Variants in ZMAT4 observed in about 807,000 individuals in gnomAD.
ZMAT4 encodes the protein zinc finger matrin-type protein 4.
A neutral mutation model predicts 28.7 loss-of-function variants in ZMAT4; 17 were observed. The observed-to-expected ratio is 0.59, with a 90% CI of 0.41 to 0.89. The LOEUF is 0.89. Among genes scored for constraint, ZMAT4 ranks in the 40% least tolerant of loss-of-function variants. ZMAT4 has a pLI of 0.00. For synonymous variants in ZMAT4, 117 were observed against 109.2 expected, an observed-to-expected ratio of 1.07 and a Z score of -0.44; for missense variants, 240 against 283.8, an observed-to-expected ratio of 0.85 and a Z score of 1.11.
chr8:40,701,314 G>C (rs1346061599), intron 3 of ZMAT4, among the ~76,000 whole-genome samples: 1 of 152,038 alleles, frequency 6.6e-6, no homozygotes, highest in Non-Finnish European at 1.5e-5. Flanking sequence ...TTGTAAAAGA[G>C]GGACCAGGCA....
intron 1 of ZMAT4, among the ~76,000 whole-genome samples, chr8:40,833,575 G>C (rs957909343): frequency 2.9e-5 from 4 of 139,304 alleles, no homozygotes; most frequent in Admixed American, 2.2e-4. Context: ...AAATCATCAT[G>C]GTCTTCCATA....
intron 5 of ZMAT4, among the ~76,000 whole-genome samples, chr8:40,647,403 C>A (rs562089604): frequency 1.3e-5 from 2 of 152,208 alleles, no homozygotes; most frequent in African/African-American, 4.8e-5. Flanking sequence ...GATTATATCC[C>A]GCACCTGGCT....
chr8:40,607,302 T>C (rs1805630622), intron 5 of ZMAT4, among the ~76,000 whole-genome samples: 1 of 151,854 alleles, frequency 6.6e-6, no homozygotes, highest in South Asian at 2.1e-4. Context: ...TTTTTTGTAT[T>C]TTTAAATACA....
intron 5 of ZMAT4, among the ~76,000 whole-genome samples, chr8:40,639,964 C>T (rs1265444768): frequency 6.6e-6 from 1 of 151,992 alleles, no homozygotes; most frequent in African/African-American, 2.4e-5. Context: ...CTTTTTTAAA[C>T]TTTTATGTAT....
intron 1 of ZMAT4, among the ~76,000 whole-genome samples, chr8:40,890,166 G>A (rs1818618993): frequency 6.6e-6 from 1 of 152,038 alleles, no homozygotes; most frequent in African/African-American, 2.4e-5. Context: ...TCTCTATCAG[G>A]GAAAGGCTGA....
At position 40,632,027 on chromosome 8, in the gene ZMAT4, T is replaced by C. The variant is rs573922858; in HGVS notation, c.577+42677A>G. ...TTTCTGCTCAAATCCAGGTTTTTTTTCCAAGTGAAACAACCACAGGGAGCC... is the reference window on the plus strand; with the variant it reads ...TTTCTGCTCAAATCCAGGTTTTTTTCCCAAGTGAAACAACCACAGGGAGCC... On this transcript the variant is annotated intron_variant, in intron 5 of 6. Transcript: ENST00000297737. Among the ~76,000 whole-genome samples the C allele has an allele frequency of 1.6e-4, 25 of 152,326 alleles. No individual in the cohort carries two copies. The East Asian group carries it at 3.1e-3, about 19-fold the overall frequency.
At chr8:40,850,244 C>A (rs772160914) in intron 1 of ZMAT4, among the ~76,000 whole-genome samples, 1 of 152,138 alleles carries the variant, frequency 6.6e-6, no homozygotes, top group Non-Finnish European at 1.5e-5. Flanking sequence ...AAAATAAACT[C>A]CAAGGCCCTC....
intron 3 of ZMAT4, among the ~76,000 whole-genome samples, chr8:40,715,353 A>T (rs1810806456): frequency 6.6e-6 from 1 of 152,170 alleles, no homozygotes; most frequent in African/African-American, 2.4e-5. Context: ...ACCCAGAGTG[A>T]GAGGCAAAGC....
intron 3 of ZMAT4, among the ~76,000 whole-genome samples, chr8:40,758,530 T>C (rs1254770970): frequency 6.6e-6 from 1 of 152,236 alleles, no homozygotes; most frequent in Non-Finnish European, 1.5e-5. Flanking sequence ...CCTTAACCAT[T>C]CCTTCCCTGA....
chr8:40,646,618 A>C (rs575104124), intron 5 of ZMAT4, among the ~76,000 whole-genome samples: 1 of 152,298 alleles, frequency 6.6e-6, no homozygotes, highest in East Asian at 1.9e-4. Context: ...CTAGAGGCAA[A>C]TAAGGACATT....
intron 5 of ZMAT4, among the ~76,000 whole-genome samples, chr8:40,616,895 A>T (rs1354275635): frequency 1.3e-5 from 2 of 152,140 alleles, no homozygotes; most frequent in African/African-American, 4.8e-5. Context: ...AAAAAAAAAA[A>T]AAAAGCTTGT....
chr8:40,701,791 T>C (rs1563421714), intron 3 of ZMAT4, among the ~76,000 whole-genome samples: 1 of 152,138 alleles, frequency 6.6e-6, no homozygotes, highest in Non-Finnish European at 1.5e-5. Flanking sequence ...GTGCTGGGAT[T>C]ACAGGCATCA....
At chr8:40,748,235 C>A (rs146872713) in intron 3 of ZMAT4, among the ~76,000 whole-genome samples, 5 of 152,110 alleles carry the variant, frequency 3.3e-5, no homozygotes, top group Admixed American at 2.6e-4. Context: ...ATGAATTATA[C>A]GTGATTACAA....
intron 3 of ZMAT4, 65 bp downstream of exon 3, chr8:40,767,576 A>G: frequency 7.2e-7 from 1 of 1,384,958 alleles, no homozygotes. Flanking sequence ...CAATTCCTAC[A>G]CCTGCAAAGT....
intron 5 of ZMAT4, among the ~76,000 whole-genome samples, chr8:40,602,376 T>C (rs777504328): frequency 1.3e-5 from 2 of 152,184 alleles, no homozygotes; most frequent in Non-Finnish European, 2.9e-5. Context: ...TCTGGGTAGA[T>C]TCCCAAGTAG....
intron 1 of ZMAT4, among the ~76,000 whole-genome samples, chr8:40,872,567 C>T (rs1163748755): frequency 1.3e-5 from 2 of 152,126 alleles, no homozygotes; most frequent in Non-Finnish European, 2.9e-5. Flanking sequence ...AAGGGGTGGG[C>T]CTTAGGGGGC....
chr8:40,589,983 T>C (rs1017709108), intron 5 of ZMAT4, among the ~76,000 whole-genome samples: 36 of 86,938 alleles, frequency 4.1e-4, no homozygotes, highest in Non-Finnish European at 7.0e-4. Flanking sequence ...CTTCCTTCCT[T>C]CCTTCCTTCC....
chr8:40,835,470 A>G (rs1392354868), intron 1 of ZMAT4, among the ~76,000 whole-genome samples: 4 of 152,206 alleles, frequency 2.6e-5, no homozygotes, highest in Non-Finnish European at 5.9e-5. Flanking sequence ...TGAGTGAAGC[A>G]AGTACCTGCT....
chr8:40,830,614 TA>T (rs1275945602), intron 1 of ZMAT4, among the ~76,000 whole-genome samples: 1 of 152,234 alleles, frequency 6.6e-6, no homozygotes, highest in Non-Finnish European at 1.5e-5. Context: ...ATGACTTTGC[TA>T]TTGTAAATAG....
Sources: gnomAD v4.1 joint callset for allele counts (sites outside exome capture counted in the v4.1 genomes callset) on GRCh38, gnomAD v4.1.1 for gene constraint, MANE v1.5 for transcripts, NCBI Gene and HGNC (gene_info 2026-07-23, HGNC 2026-07-21) for gene names.